DGKB: variants seen among roughly 807,000 people sequenced by gnomAD.
DGKB encodes the protein 90 kDa diacylglycerol kinase.
DGKB carries 67 observed loss-of-function variants against 114.3 expected under a neutral mutation model. That is an observed-to-expected ratio of 0.59 (90% confidence interval 0.48 to 0.72). The LOEUF (loss-of-function observed/expected upper bound fraction) is 0.72, where lower values mean the gene tolerates loss of function less well. Ranked by LOEUF, DGKB falls within the 30% of genes least tolerant of loss-of-function variation. The probability of loss-of-function intolerance (pLI) is 0.00; values close to 1 mark genes in which losing one functional copy is unlikely to be tolerated. For synonymous variants in DGKB, 398 were observed against 323.1 expected, an observed-to-expected ratio of 1.23 and a Z score of -2.49; for missense variants, 907 against 975.2, an observed-to-expected ratio of 0.93 and a Z score of 0.93.
intron 2 of DGKB, among the ~76,000 whole-genome samples, chr7:14,766,600 G>A (rs1258650597): frequency 1.3e-5 from 2 of 151,844 alleles, no homozygotes; most frequent in Non-Finnish European, 2.9e-5. Flanking sequence ...CATTAGGAAA[G>A]CAATTATTTA....
At chr7:14,946,390 GT>G (rs1280419030) in intron 1 of DGKB, among the ~76,000 whole-genome samples, 1 of 151,638 alleles carries the variant, frequency 6.6e-6, no homozygotes, top group African/African-American at 2.4e-5. Context: ...ACTCCCATTT[GT>G]TTTTACACTG....
chr7:14,487,583 CTTTTTTT>C (rs11433526), intron 20 of DGKB, among the ~76,000 whole-genome samples: 4 of 125,922 alleles, frequency 3.2e-5, no homozygotes, highest in Admixed American at 8.6e-5. Context: ...AAGAAAATTC[CTTTTTTT>C]TTTTTTTTTT....
rs115410705 is a variant in DGKB at position 14,893,825 on chromosome 7, T to C, written c.-188+8767A>G. On this transcript the variant is annotated intron_variant, in intron 1 of 25. Transcript: ENST00000402815. ...ATTCCTGAGTCTCTTGTTCTCCCCA[T>C]CTCCTATAGCAACATGTGCCTACTT... Among the ~76,000 whole-genome samples, 739 of 151,424 alleles carry C rather than the reference T, an allele frequency of 4.9e-3. 4 individuals carry two copies. Among genetic ancestry groups the C allele is most frequent in the African/African-American group, 0.017 (702 of 41,426 alleles).
chr7:14,682,144 C>T (rs1820945838), intron 12 of DGKB, among the ~76,000 whole-genome samples: 2 of 152,008 alleles, frequency 1.3e-5, no homozygotes, highest in African/African-American at 2.4e-5. Flanking sequence ...GATTTTATGA[C>T]TAAAATAAGT....
At chr7:14,567,066 G>C (rs142453853) in intron 20 of DGKB, among the ~76,000 whole-genome samples, 2,238 of 118,938 alleles carry the variant, frequency 0.019, 80 homozygotes, top group African/African-American at 0.068. Flanking sequence ...GAGATGACCT[G>C]TATATATATA....
At chr7:14,222,390 T>C (rs1267249455) in intron 23 of DGKB, among the ~76,000 whole-genome samples, 2 of 151,356 alleles carry the variant, frequency 1.3e-5, no homozygotes, top group African/African-American at 4.8e-5. Context: ...GATTTCTTCA[T>C]TGATTCATTG....
chr7:14,748,928 T>C (rs1404845808), intron 4 of DGKB, among the ~76,000 whole-genome samples: 1 of 152,326 alleles, frequency 6.6e-6, no homozygotes, highest in African/African-American at 2.4e-5. Flanking sequence ...GTTGACTGAG[T>C]ACCTATATGT....
At chr7:14,918,919 CGGGCGTGGTGGCA>C in intron 1 of DGKB, among the ~76,000 whole-genome samples, 1 of 151,922 alleles carries the variant, frequency 6.6e-6, no homozygotes, top group Non-Finnish European at 1.5e-5. Flanking sequence ...AAAAATTAGC[CGGGCGTGGTGGCA>C]GGTGCCTGTA....
chr7:14,280,344 G>A (rs1412740289), intron 23 of DGKB, among the ~76,000 whole-genome samples: 1 of 152,060 alleles, frequency 6.6e-6, no homozygotes, highest in East Asian at 1.9e-4. Context: ...AAGCCTCCAA[G>A]AAATATGGGA....
chr7:14,454,528 G>A (rs1259748189), intron 21 of DGKB, among the ~76,000 whole-genome samples: 1 of 151,980 alleles, frequency 6.6e-6, no homozygotes, highest in Non-Finnish European at 1.5e-5. Flanking sequence ...ATTATAATAT[G>A]GCTTTTAAAT....
At chr7:14,231,883 G>A (rs1791917375) in intron 23 of DGKB, among the ~76,000 whole-genome samples, 1 of 152,006 alleles carries the variant, frequency 6.6e-6, no homozygotes, top group South Asian at 2.1e-4. Flanking sequence ...GTCAGTAACA[G>A]TATTCAAATA....
chr7:14,501,590 A>G (rs1007283091), intron 20 of DGKB, among the ~76,000 whole-genome samples: 1 of 151,898 alleles, frequency 6.6e-6, no homozygotes, highest in Non-Finnish European at 1.5e-5. Context: ...AAGAATCAAG[A>G]GCTCAGAGAA....
chr7:14,813,398 T>G (rs560619374), intron 2 of DGKB, among the ~76,000 whole-genome samples: 2 of 152,302 alleles, frequency 1.3e-5, no homozygotes, highest in Middle Eastern at 3.4e-3. Flanking sequence ...ATGAGAGAGA[T>G]AACATGGAAA....
In DGKB at chr7:14,314,294, C is replaced by A. The variant is rs552437339; in HGVS notation, c.2122+24221G>T. On this transcript the variant is annotated intron_variant, in intron 23 of 25. Transcript: ENST00000402815. ...AAAGCTGGACAGAGAATGACTTTGA[C>A]GAGCTGAGAGAAGAAGGCTTCAGAT... Among the ~76,000 whole-genome samples the A allele has an allele frequency of 4.3e-4, 66 of 152,110 alleles. No individual in the cohort carries two copies. The East Asian group carries it at 0.012, about 28-fold the overall frequency.
intron 2 of DGKB, among the ~76,000 whole-genome samples, chr7:14,793,102 T>C (rs1023788542): frequency 2.2e-4 from 34 of 152,276 alleles, no homozygotes; most frequent in African/African-American, 8.2e-4. Context: ...ATACACATTT[T>C]AGAGGAAAGA....
chr7:14,475,417 T>G (rs561539634), intron 21 of DGKB, among the ~76,000 whole-genome samples: 1 of 152,286 alleles, frequency 6.6e-6, no homozygotes, highest in African/African-American at 2.4e-5. Context: ...TTTAGGGAAT[T>G]GCCTAAATGC....
At chr7:14,545,658 G>C (rs1359797379) in intron 20 of DGKB, among the ~76,000 whole-genome samples, 1 of 152,182 alleles carries the variant, frequency 6.6e-6, no homozygotes, top group African/African-American at 2.4e-5. Flanking sequence ...CACAATAGCT[G>C]CTCAGCAGGA....
intron 1 of DGKB, among the ~76,000 whole-genome samples, chr7:14,933,289 A>G (rs1785121081): frequency 6.6e-6 from 1 of 152,100 alleles, no homozygotes; most frequent in African/African-American, 2.4e-5. Flanking sequence ...TTACATCACA[A>G]CCATTTCGTA....
chr7:14,928,238 G>C (rs1187897294), intron 1 of DGKB, among the ~76,000 whole-genome samples: 1 of 151,880 alleles, frequency 6.6e-6, no homozygotes, highest in South Asian at 2.1e-4. Context: ...TGAGTTTATA[G>C]AAATCTATTT....
Sources: gnomAD v4.1 joint callset for allele counts (sites outside exome capture counted in the v4.1 genomes callset) on GRCh38, gnomAD v4.1.1 for gene constraint, MANE v1.5 for transcripts, NCBI Gene and HGNC (gene_info 2026-07-23, HGNC 2026-07-21) for gene names.